The following SEMA6D variants were observed in gnomAD, a reference collection of about 807,000 sequenced individuals.
SEMA6D encodes the protein semaphorin 6D, also known as semaphorin-6D.
SEMA6D carries 35 observed loss-of-function variants against 106.6 expected under a neutral mutation model. That is an observed-to-expected ratio of 0.33 (90% CI 0.25 to 0.44). SEMA6D has a LOEUF of 0.44. Among genes scored for constraint, SEMA6D ranks in the 20% least tolerant of loss-of-function variants. The pLI is 1.00. For synonymous variants in SEMA6D, 499 were observed against 487.7 expected (o/e 1.02, Z -0.31); for missense variants, 1,185 against 1,345.9 (o/e 0.88, Z 1.87).
chr15:47,190,206 A>G (rs1893867496), intron 1 of SEMA6D, among the ~76,000 whole-genome samples: 1 of 152,136 alleles, frequency 6.6e-6, no homozygotes, highest in Non-Finnish European at 1.5e-5. Context: ...AGATTTGGAG[A>G]CCAGTTAATA....
intron 3 of SEMA6D, among the ~76,000 whole-genome samples, chr15:47,488,545 G>A (rs1308839038): frequency 6.6e-6 from 1 of 151,270 alleles, no homozygotes; most frequent in Non-Finnish European, 1.5e-5. Flanking sequence ...CTCTTTTTCT[G>A]AAAAATACTG....
chr15:47,473,833 T>C (rs1429996557), intron 3 of SEMA6D, among the ~76,000 whole-genome samples: 1 of 152,134 alleles, frequency 6.6e-6, no homozygotes, highest in Admixed American at 6.5e-5. Context: ...AGAAACTCCT[T>C]CTTTCCCCTT....
Position 47,765,608 on chromosome 15 carries a change from A to G in SEMA6D, c.1428-261A>G, listed in dbSNP as rs150244344. On this transcript the variant is annotated intron_variant, in intron 13 of 18. Coordinates refer to ENST00000536845, the MANE Select transcript of SEMA6D (RefSeq NM_001358351.3). ...ACGATCCTTTTTATTTCTATAGTCA[A>G]ATGTGGCCTTCGCAAATGCAATTCA... The G allele has an allele frequency of 2.4e-5, 13 of 539,724 alleles. No individual in the cohort carries two copies. In the East Asian group the frequency reaches 5.4e-4, roughly 22 times the overall value. 33.4% of individuals were successfully genotyped at this position (539,724 alleles called of 1,614,324 possible). A position where few individuals can be genotyped will look rare whatever the true frequency, so the allele number is the denominator to read the frequency against.
chr15:47,473,221 C>T (rs750659537), intron 3 of SEMA6D, among the ~76,000 whole-genome samples: 1 of 152,172 alleles, frequency 6.6e-6, no homozygotes, highest in African/African-American at 2.4e-5. Flanking sequence ...TGGCAGTACC[C>T]ACTGCACTCT....
chr15:47,502,016 A>T (rs569835037), intron 3 of SEMA6D, among the ~76,000 whole-genome samples: 10 of 152,292 alleles, frequency 6.6e-5, no homozygotes, highest in African/African-American at 2.4e-4. Flanking sequence ...TTTGGCTTCA[A>T]CTAGCTGAAC....
intron 3 of SEMA6D, among the ~76,000 whole-genome samples, chr15:47,597,365 G>A (rs1484086971): frequency 6.6e-6 from 1 of 151,964 alleles, no homozygotes; most frequent in East Asian, 1.9e-4. Flanking sequence ...TCCACTACTG[G>A]GTAGGTAGTC....
chr15:47,635,957 T>A (rs2077379936), intron 4 of SEMA6D, among the ~76,000 whole-genome samples: 2 of 140,732 alleles, frequency 1.4e-5, no homozygotes. Flanking sequence ...ACTTAAATGC[T>A]AAAAAAAAAA....
intron 3 of SEMA6D, among the ~76,000 whole-genome samples, chr15:47,558,476 A>G (rs1489670198): frequency 6.6e-6 from 1 of 152,044 alleles, no homozygotes; most frequent in Non-Finnish European, 1.5e-5. Flanking sequence ...GGAGAGAATC[A>G]TGAAGGGCTT....
chr15:47,683,249 T>G (rs1236312680), intron 4 of SEMA6D, among the ~76,000 whole-genome samples: 4 of 152,180 alleles, frequency 2.6e-5, no homozygotes, highest in Non-Finnish European at 5.9e-5. Flanking sequence ...GTCCATTATT[T>G]CCTCGGTATG....
chr15:47,533,773 A>G (rs375774773), intron 3 of SEMA6D, among the ~76,000 whole-genome samples: 21 of 152,168 alleles, frequency 1.4e-4, no homozygotes, highest in African/African-American at 5.1e-4. Context: ...TCTTAGATGG[A>G]TGGAGGATGG....
intron 4 of SEMA6D, among the ~76,000 whole-genome samples, chr15:47,711,592 A>G (rs1310947111): frequency 6.6e-6 from 1 of 152,006 alleles, no homozygotes. Context: ...TTAAAGCCAT[A>G]CTCTAACAGT....
chr15:47,347,498 C>T (rs77651737), intron 1 of SEMA6D, among the ~76,000 whole-genome samples: 1 of 152,228 alleles, frequency 6.6e-6, no homozygotes, highest in East Asian at 1.9e-4. Context: ...AATCACAGTG[C>T]AGGCACTAGA....
At chr15:47,525,167 A>G (rs577961166) in intron 3 of SEMA6D, 2 of 152,270 alleles carry the variant, frequency 1.3e-5, no homozygotes, top group African/African-American at 4.8e-5. Flanking sequence ...ATCACAGGTG[A>G]TCTGGATCAA....
intron 1 of SEMA6D, among the ~76,000 whole-genome samples, chr15:47,753,155 G>A (rs1430357199): frequency 6.6e-6 from 1 of 152,208 alleles, no homozygotes. Context: ...AGAGTGTGGA[G>A]ACATAGCAGA....
chr15:47,734,533 T>C lies in SEMA6D; in HGVS notation c.-55+16841T>C, dbSNP rs181639993. ...TCTCCTTGTCACCAATGAAATTTAC[T>C]CTGTATTGATCTGAGTAAGCAGACA... On this transcript the variant is annotated intron_variant, in intron 1 of 18. Transcript: ENST00000536845. 5.4e-4 allele frequency among the ~76,000 whole-genome samples: 82 copies of C among 152,304 alleles called. 2 individuals are homozygous for C. The highest frequency in any genetic ancestry group is 1.9e-3 in the African/African-American group (79 of 41,570).
chr15:47,489,550 T>A (rs1419191962), intron 3 of SEMA6D, among the ~76,000 whole-genome samples: 1 of 152,178 alleles, frequency 6.6e-6, no homozygotes, highest in Non-Finnish European at 1.5e-5. Context: ...GCTGTGTCCC[T>A]CCACAATGCA....
exon 1 of SEMA6D, chr15:47,184,283 G>C (rs1893383511): frequency 6.5e-6 from 1 of 152,914 alleles, no homozygotes. Flanking sequence ...GCGGAGGCCG[G>C]GCGGCAAGGG....
chr15:47,282,453 A>C (rs2035169938), intron 1 of SEMA6D, among the ~76,000 whole-genome samples: 1 of 152,166 alleles, frequency 6.6e-6, no homozygotes, highest in Non-Finnish European at 1.5e-5. Context: ...CAAGTTATTT[A>C]TTCTACTGTT....
rs1049527295 is a variant in SEMA6D, at chr15:47,303,451, C to T, written c.-238-108942C>T. 5.9e-5 allele frequency among the ~76,000 whole-genome samples: 9 copies of T among 152,276 alleles called. No homozygotes were observed. In the East Asian group the frequency reaches 1.7e-3, roughly 29 times the overall value. ...TCTTCAAGTCTTTGCCTAAACATCA[C>T]CTTCGTAGTGGGGCTCCTCCTCATC... On this transcript the variant is annotated intron_variant, in intron 1 of 19. Transcript: ENST00000558014.
Sources: gnomAD v4.1 joint callset for allele counts (sites outside exome capture counted in the v4.1 genomes callset) on GRCh38, gnomAD v4.1.1 for gene constraint, MANE v1.5 for transcripts, NCBI Gene and HGNC (gene_info 2026-07-23, HGNC 2026-07-21) for gene names.